The following SLC2A5 variants were observed in gnomAD, a reference collection of about 807,000 sequenced individuals.
SLC2A5 encodes the protein solute carrier family 2 member 5, also known as solute carrier family 2, facilitated glucose transporter member 5.
In SLC2A5, 56 loss-of-function variants were observed where a neutral mutation model predicts 50.3. The ratio of observed to expected loss-of-function variants is 1.11; its 90% confidence interval spans 0.90 to 1.39. The LOEUF (loss-of-function observed/expected upper bound fraction) is 1.39, where lower values mean the gene tolerates loss of function less well. SLC2A5 is among the 40% of genes most tolerant of loss of function. The probability of loss-of-function intolerance (pLI) is 0.00; values close to 1 mark genes in which losing one functional copy is unlikely to be tolerated. For synonymous variants in SLC2A5, 269 were observed against 281.9 expected (o/e 0.95, Z 0.46); for missense variants, 566 against 650.1 (o/e 0.87, Z 1.41).
intron 3 of SLC2A5, among the ~76,000 whole-genome samples, chr1:9,048,619 T>C (rs1273195956): frequency 2.0e-5 from 3 of 152,174 alleles, no homozygotes; most frequent in Admixed American, 6.6e-5. Context: ...ACCATTATGA[T>C]TTTTAAATTT....
At chr1:9,053,317 ATTTATATAT>A (rs1641650186) in intron 3 of SLC2A5, among the ~76,000 whole-genome samples, 1 of 13,472 alleles carries the variant, frequency 7.4e-5, no homozygotes, top group Non-Finnish European at 1.2e-4. Flanking sequence ...TATATATTGT[ATTTATATAT>A]TATATATTTA....
At position 9,039,705 on chromosome 1, in the gene SLC2A5, G is replaced by A. The variant is rs766840134; in HGVS notation, c.886-43C>T. ...GGCTGGGCGGCTGCCCGGAGGAGGC[G>A]GCCTCGGCGCCAGGACCCACGCCCG... On this transcript the variant is annotated intron_variant, in intron 7 of 11. Transcript: ENST00000377424. 6 of 1,458,380 alleles carry A rather than the reference G, an allele frequency of 4.1e-6. No individual in the cohort carries two copies. In the African/African-American group the frequency reaches 7.4e-5, roughly 18 times the overall value. 90.3% of individuals were successfully genotyped at this position (1,458,380 alleles called of 1,614,324 possible).
intron 2 of SLC2A5, among the ~76,000 whole-genome samples, chr1:9,084,476 T>C (rs1125648): frequency 0.85 from 129,260 of 152,280 alleles, 55,435 homozygotes; most frequent in East Asian, 1. Context: ...GCCTGGACAC[T>C]GCCTGCGGTT....
chr1:9,087,027 C>T (rs1435283383), intron 1 of SLC2A5, among the ~76,000 whole-genome samples: 4 of 152,162 alleles, frequency 2.6e-5, no homozygotes, highest in Non-Finnish European at 5.9e-5. Context: ...AACTTTCCTT[C>T]ACATAGAAAC....
intron 1 of SLC2A5, among the ~76,000 whole-genome samples, chr1:9,061,368 T>A (rs977394924): frequency 1.1e-5 from 1 of 92,994 alleles, no homozygotes; most frequent in Non-Finnish European, 2.3e-5. Context: ...AGAAGCTAAG[T>A]AAGGTAGGAG....
Position 9,038,902 on chromosome 1 carries a change from T to C in SLC2A5, c.1024A>G (p.Arg342Gly). ...AVFVVELLGR[R>G]LLLLLGFSIC... is the part of the protein sequence containing the mutation. Reference sequence around the variant, plus strand: ...GAGAAGCCCAGCAGCAGCAGCAGCCTCCGACCCAGGAGCTCCACCACGAAC... The same window carrying C: ...GAGAAGCCCAGCAGCAGCAGCAGCCCCCGACCCAGGAGCTCCACCACGAAC... Residue 342 changes from arginine to glycine, a missense_variant, in exon 9 of 12, where the codon AGG becomes GGG. Physicochemically the swap from Arg to Gly is moderately radical, Grantham distance 125 (BLOSUM62 -2). Transcript: ENST00000377424. 2 of 1,612,652 alleles carry C rather than the reference T, an allele frequency of 1.2e-6. No individual in the cohort carries two copies. The highest frequency in any genetic ancestry group is 1.7e-6 in the Non-Finnish European group (2 of 1,179,862).
rs780018608 is a variant in SLC2A5 at position 9,037,105 on chromosome 1, C to A, written c.*481G>T. ...GTTTCTGACATCACACCTTCCTAGA[C>A]AGGTATTTCTGGAAAAGGATCTGGT... On this transcript the variant is annotated 3_prime_UTR_variant, in exon 12 of 12. Transcript: ENST00000377424. 9.8e-5 allele frequency: 17 copies of A among 174,150 alleles called. No individual in the cohort carries two copies. Among genetic ancestry groups the A allele is most frequent in the Non-Finnish European group, 1.8e-4 (15 of 81,552 alleles). The allele number at this position is 174,150 out of a possible 1,614,324, so 10.8% of individuals were successfully genotyped here. A position where few individuals can be genotyped will look rare whatever the true frequency, so the allele number is the denominator to read the frequency against.
At chr1:9,071,150 C>T (rs578075854), upstream of SLC2A5, among the ~76,000 whole-genome samples, 46 of 152,326 alleles carry the variant, frequency 3.0e-4, 1 homozygote, top group South Asian at 4.1e-3. Context: ...TGGCTCACGC[C>T]TGTAATCCCA....
chr1:9,046,243 C>T (rs1641431400), intron 4 of SLC2A5, among the ~76,000 whole-genome samples: 1 of 152,110 alleles, frequency 6.6e-6, no homozygotes, highest in Non-Finnish European at 1.5e-5. Context: ...AGATGCCTCT[C>T]CCCACCTGGC....
chr1:9,038,126 G>C, intron 10 of SLC2A5, 102 bp from the exon 11 acceptor site: 2 of 1,383,784 alleles, frequency 1.4e-6, no homozygotes, highest in Non-Finnish European at 2.0e-6. Flanking sequence ...GGACAGAGGC[G>C]TCTCCAGGAC....
At chr1:9,080,611 G>T (rs1049348045) in intron 2 of SLC2A5, among the ~76,000 whole-genome samples, 7 of 152,108 alleles carry the variant, frequency 4.6e-5, no homozygotes, top group Admixed American at 2.0e-4. Flanking sequence ...TTTCACATTC[G>T]TGTTGGCCGT....
At chr1:9,041,757 G>A (rs1404111038) in intron 5 of SLC2A5, 28 bp downstream of exon 5, 2 of 1,614,024 alleles carry the variant, frequency 1.2e-6, no homozygotes, top group Admixed American at 1.7e-5. Flanking sequence ...GAAGGGGTGG[G>A]GGTGCTCCCG....
intron 1 of SLC2A5, among the ~76,000 whole-genome samples, chr1:9,059,822 C>T (rs918849746): frequency 2.6e-5 from 4 of 152,028 alleles, no homozygotes; most frequent in African/African-American, 9.7e-5. Flanking sequence ...GCATGAGCCA[C>T]TGTGCCCGGC....
chr1:9,060,585 C>T lies in SLC2A5; in HGVS notation c.34-2335G>A, dbSNP rs561216578. ...CACCACACACATACACACCCACCCC[C>T]CACACACATAGGCAGAAATACACAC... On this transcript the variant is annotated intron_variant, in intron 1 of 11. Coordinates refer to ENST00000377424, the MANE Select transcript of SLC2A5 (RefSeq NM_003039.3). Among the ~76,000 whole-genome samples, 22 of 124,046 alleles carry T rather than the reference C, an allele frequency of 1.8e-4. No homozygotes were observed. The South Asian group carries it at 6.6e-3, about 37-fold the overall frequency. The allele number at this position is 124,046 out of a possible 152,430, so 81.4% of individuals were successfully genotyped here. A position where few individuals can be genotyped will look rare whatever the true frequency, so the allele number is the denominator to read the frequency against.
At chr1:9,084,141 CAAAA>C (rs1330386993) in intron 2 of SLC2A5, among the ~76,000 whole-genome samples, 1 of 137,530 alleles carries the variant, frequency 7.3e-6, no homozygotes, top group Non-Finnish European at 1.6e-5. Context: ...GACTCCGTCT[CAAAA>C]AAAAAAAAAT....
In SLC2A5 at chr1:9,037,677, T is replaced by C. The variant is rs770941318; in HGVS notation, c.1415A>G (p.Asn472Ser). The C allele has an allele frequency of 2.5e-6, 4 of 1,614,172 alleles. No individual in the cohort carries two copies. Among genetic ancestry groups the C allele is most frequent in the East Asian group, 4.5e-5 (2 of 44,878 alleles). ...ETKAKTFIEINQIFTKMNKVS... is the reference protein window; with the variant it reads ...ETKAKTFIEISQIFTKMNKVS... ...CTTATTCATCTTGGTGAAAATCTGG[T>C]TGATCTCTATGAACGTCTTGGCCTT... Residue 472 changes from asparagine to serine, a missense_variant, in exon 12 of 12, where the codon AAC (asparagine) becomes AGC (serine). Transcript: ENST00000377424.
rs1377080155 is a variant in SLC2A5, at chr1:9,035,278, TC to T, written c.*2307del. The T allele has an allele frequency of 6.6e-6, 1 of 152,186 alleles. No individual in the cohort carries two copies. The highest frequency in any genetic ancestry group is 2.4e-5 in the African/African-American group (1 of 41,434). 9.4% of individuals were successfully genotyped at this position (152,186 alleles called of 1,614,324 possible). A position where few individuals can be genotyped will look rare whatever the true frequency, so the allele number is the denominator to read the frequency against. On this transcript the variant is annotated 3_prime_UTR_variant, in exon 12 of 12. Transcript: ENST00000377424. ...ATCCAGAACCATGAACTTCATAGCC[TC>T]CCCTGTGTTAGAGGTGCTGCAGTTT...
intron 1 of SLC2A5, among the ~76,000 whole-genome samples, chr1:9,064,729 A>G (rs1642035862): frequency 6.6e-6 from 1 of 152,060 alleles, no homozygotes; most frequent in Non-Finnish European, 1.5e-5. Context: ...ACAATGCCAT[A>G]CACCGGACAC....
chr1:9,062,405 T>G lies in SLC2A5; in HGVS notation c.34-4155A>C, dbSNP rs1184344556. Among the ~76,000 whole-genome samples, 12 of 152,152 alleles carry G rather than the reference T, an allele frequency of 7.9e-5. No homozygotes were observed. The East Asian group carries it at 2.1e-3, about 27-fold the overall frequency. On this transcript the variant is annotated intron_variant, in intron 1 of 11. Transcript: ENST00000377424. The stretch of plus-strand genomic sequence containing the variant: ...TGGGAAGGCCTGAGGCAGGCGGAGC[T>G]CAGAACCTTTGAGCATCTGGAATTT...
Sources: gnomAD v4.1 joint callset for allele counts (sites outside exome capture counted in the v4.1 genomes callset) on GRCh38, gnomAD v4.1.1 for gene constraint, MANE v1.5 for transcripts, NCBI Gene and HGNC (gene_info 2026-07-23, HGNC 2026-07-21) for gene names.